The following NEO1 variants were observed in gnomAD, a reference collection of about 807,000 sequenced individuals.
NEO1 encodes the protein neogenin 1.
Under a neutral mutation model 159.7 loss-of-function variants are expected in NEO1, and 63 were observed. The observed-to-expected ratio is 0.39, with a 90% CI of 0.32 to 0.49. NEO1 has a LOEUF of 0.49. Among genes scored for constraint, NEO1 ranks in the 20% least tolerant of loss-of-function variants. NEO1 has a pLI of 0.85. For missense variants in NEO1, 1,615 were observed against 1,831.0 expected, an observed-to-expected ratio of 0.88 and a Z score of 2.15; for synonymous variants, 633 against 662.0, an observed-to-expected ratio of 0.96 and a Z score of 0.67.
intron 5 of NEO1, among the ~76,000 whole-genome samples, chr15:73,163,701 A>C (rs1020537822): frequency 1.3e-5 from 2 of 152,182 alleles, no homozygotes; most frequent in African/African-American, 2.4e-5. Flanking sequence ...GGAAACAGAG[A>C]TTCTGTATTT....
chr15:73,293,411 T>A lies in NEO1; in HGVS notation c.3764T>A (p.Ile1255Asn). ...ACAGCTGTGATTAGTGCCCATCCCA[T>A]CCATTCCCTCGATAACCCTCACCAT... ...PPQPVISAHP[I>N]HSLDNPHHHF... The change falls in exon 26 of 29, where the codon ATC becomes AAC. Residue 1255 changes from isoleucine to asparagine, a missense_variant. Around this residue, in one of 3 missense-constraint regions of NEO1, gnomAD observed 471 missense variants for 498.9 expected, o/e 0.94. Transcript: ENST00000261908. The A allele has an allele frequency of 2.5e-6, 4 of 1,614,164 alleles. No individual in the cohort carries two copies. Among genetic ancestry groups the A allele is most frequent in the Non-Finnish European group, 3.4e-6 (4 of 1,180,022 alleles).
intron 5 of NEO1, among the ~76,000 whole-genome samples, chr15:73,175,363 G>T (rs560865003): frequency 2.2e-4 from 33 of 152,216 alleles, no homozygotes; most frequent in African/African-American, 5.8e-4. Context: ...AAATACCTAG[G>T]TATTTATCTA....
In NEO1 at chr15:73,053,315, G is replaced by A. The variant is rs547447757; in HGVS notation, c.130+510G>A. Among the ~76,000 whole-genome samples the A allele has an allele frequency of 6.6e-5, 10 of 152,232 alleles. No homozygotes were observed. In the East Asian group the frequency reaches 1.6e-3, roughly 24 times the overall value. On this transcript the variant is annotated intron_variant, in intron 1 of 28. Transcript: ENST00000261908. ...AGTCTCGAGGGACTCCTCGCGCGGG[G>A]ATTGGAGCCCGAGTCTGCGGAAGAG...
At chr15:73,191,472 T>TCTTTAGGATAATAGTAA (rs578255796) in intron 7 of NEO1, among the ~76,000 whole-genome samples, 4 of 121,468 alleles carry the variant, frequency 3.3e-5, no homozygotes, top group African/African-American at 1.1e-4. Flanking sequence ...ACAACAGAAA[T>TCTTTAGGATAATAGTAA]CTTTAGGATA....
intron 1 of NEO1, among the ~76,000 whole-genome samples, chr15:73,110,865 T>G (rs1177367721): frequency 6.6e-6 from 1 of 152,172 alleles, no homozygotes; most frequent in Admixed American, 6.5e-5. Context: ...GAGTGAGTGT[T>G]TGATAACCCT....
chr15:73,183,498 C>T lies in NEO1; in HGVS notation c.1291+5071C>T, dbSNP rs143985877. 3.2e-3 allele frequency among the ~76,000 whole-genome samples: 485 copies of T among 152,258 alleles called. 2 individuals are homozygous for T. The highest frequency in any genetic ancestry group is 0.011 in the African/African-American group (465 of 41,542). ...TCATTTTAGGCCTCAGGATTCTACACTGATACCAAGGAGAGGTCTTTTACT... is the reference window on the plus strand; with the variant it reads ...TCATTTTAGGCCTCAGGATTCTACATTGATACCAAGGAGAGGTCTTTTACT... On this transcript the variant is annotated intron_variant, in intron 7 of 28. Transcript: ENST00000261908.
chr15:73,105,335 A>G (rs2070632184), intron 1 of NEO1, among the ~76,000 whole-genome samples: 1 of 152,204 alleles, frequency 6.6e-6, no homozygotes, highest in Admixed American at 6.5e-5. Flanking sequence ...TATACGCCTA[A>G]GAGTGCCTGC....
chr15:73,269,527 AT>A (rs1170767523), intron 16 of NEO1, among the ~76,000 whole-genome samples: 1 of 151,854 alleles, frequency 6.6e-6, no homozygotes, highest in Non-Finnish European at 1.5e-5. Context: ...TGCCCAGCTA[AT>A]TTTTGTATTT....
chr15:73,110,184 CGA>C (rs1213079492), intron 1 of NEO1, among the ~76,000 whole-genome samples: 3 of 151,778 alleles, frequency 2.0e-5, no homozygotes, highest in Admixed American at 2.0e-4. Context: ...TGGAGACTGA[CGA>C]GAAGGGATGG....
intron 2 of NEO1, among the ~76,000 whole-genome samples, chr15:73,117,554 T>C (rs2071395271): frequency 1.3e-5 from 2 of 152,224 alleles, no homozygotes; most frequent in East Asian, 1.9e-4. Context: ...AAAAATGTTA[T>C]CTTTAAGTCC....
chr15:73,114,871 C>CTT (rs1200031812), intron 1 of NEO1, among the ~76,000 whole-genome samples: 1 of 151,948 alleles, frequency 6.6e-6, no homozygotes, highest in Non-Finnish European at 1.5e-5. Flanking sequence ...TCTTTTTATA[C>CTT]TTTTTATTTA....
At chr15:73,179,325 A>AAGGG (rs2035465903) in intron 7 of NEO1, among the ~76,000 whole-genome samples, 1 of 152,182 alleles carries the variant, frequency 6.6e-6, no homozygotes, top group Non-Finnish European at 1.5e-5. Context: ...TTTACGGATG[A>AAGGG]GATCCAGACC....
At chr15:73,181,101 C>T (rs1327821578) in intron 7 of NEO1, among the ~76,000 whole-genome samples, 1 of 152,026 alleles carries the variant, frequency 6.6e-6, no homozygotes, top group Non-Finnish European at 1.5e-5. Context: ...GTAAGGTGTC[C>T]CCTTTGTAAT....
chr15:73,215,950 A>G (rs1367022073), intron 7 of NEO1, among the ~76,000 whole-genome samples: 1 of 151,824 alleles, frequency 6.6e-6, no homozygotes, highest in Non-Finnish European at 1.5e-5. Context: ...TTTTAATTAT[A>G]CTTTAAGTTT....
intron 7 of NEO1, among the ~76,000 whole-genome samples, chr15:73,226,983 G>C (rs77608790): frequency 0.011 from 1,613 of 152,278 alleles, 33 homozygotes; most frequent in African/African-American, 0.037. Context: ...GCTTAACCAA[G>C]GGTGCAACAT....
At chr15:73,267,485 C>T (rs2040963816) in intron 16 of NEO1, among the ~76,000 whole-genome samples, 1 of 150,786 alleles carries the variant, frequency 6.6e-6, no homozygotes, top group East Asian at 1.9e-4. Flanking sequence ...GTGTGCTGCA[C>T]CCATTAACTC....
At chr15:73,201,320 C>T (rs2036870074) in intron 7 of NEO1, among the ~76,000 whole-genome samples, 1 of 151,764 alleles carries the variant, frequency 6.6e-6, no homozygotes, top group Admixed American at 6.6e-5. Context: ...ATCTAGCTCC[C>T]TCTTTGGCCC....
At position 73,254,798 on chromosome 15, in the gene NEO1, A is replaced by G; in HGVS notation, c.2061A>G (p.Val687=). The change falls in exon 13 of 29, where the codon GTA becomes GTG. Residue 687 remains valine, a synonymous_variant. Coordinates refer to ENST00000261908, the MANE Select transcript of NEO1 (RefSeq NM_002499.4). ...AGAGTGATGTCACTGAGACCTTGGT[A>G]AGCGGGACACAGCTGTCTCAGCTGA... is the stretch of plus-strand genomic sequence containing the variant. The part of the protein sequence containing the change: ...SRKSDVTETL[V]SGTQLSQLIE... The G allele has an allele frequency of 6.2e-7, 1 of 1,614,084 alleles. No homozygotes were observed. Among genetic ancestry groups the G allele is most frequent in the Non-Finnish European group, 8.5e-7 (1 of 1,179,968 alleles).
chr15:73,135,341 A>G (rs1470530503), intron 4 of NEO1, among the ~76,000 whole-genome samples: 1 of 152,190 alleles, frequency 6.6e-6, no homozygotes, highest in Non-Finnish European at 1.5e-5. Flanking sequence ...CTCTCTGGCA[A>G]CCATTCTCTC....
Sources: gnomAD v4.1 joint callset for allele counts (sites outside exome capture counted in the v4.1 genomes callset) on GRCh38, gnomAD v4.1.1 for gene constraint, gnomAD v4.1.1 regional missense constraint, MANE v1.5 for transcripts, NCBI Gene and HGNC (gene_info 2026-07-23, HGNC 2026-07-21) for gene names.